WWC1: variants seen among roughly 807,000 people sequenced by gnomAD.
WWC1 encodes WW and C2 domain containing 1.
Under a neutral mutation model 138.4 loss-of-function variants are expected in WWC1, and 55 were observed. The observed-to-expected ratio is 0.40, with a 90% CI of 0.32 to 0.50. The LOEUF (loss-of-function observed/expected upper bound fraction) is 0.50, where lower values mean the gene tolerates loss of function less well. Among genes scored for constraint, WWC1 ranks in the 20% least tolerant of loss-of-function variants. The pLI is 0.72. For missense variants in WWC1, 1,226 were observed against 1,420.4 expected (o/e 0.86, Z 2.20); for synonymous variants, 524 against 564.9 (o/e 0.93, Z 1.03).
chr5:168,385,247 G>T lies in WWC1; in HGVS notation c.266G>T (p.Arg89Leu). 1 of 1,614,094 alleles carries T rather than the reference G, an allele frequency of 6.2e-7. No homozygotes were observed. Among genetic ancestry groups the T allele is most frequent in the Non-Finnish European group, 8.5e-7 (1 of 1,180,022 alleles). Residue 89 changes from arginine (R) to leucine (L), a missense_variant, in exon 3 of 23, where the codon CGG becomes CTG. By Grantham distance (102) the Arg-to-Leu change is moderately radical. Around this residue, in one of 3 missense-constraint regions of WWC1, gnomAD observed 1,016 missense variants for 1,153.9 expected, o/e 0.88. Transcript: ENST00000265293. ...ATTGAGGATCCTCGAGTACAATGGC[G>T]GCGGGAGCAGGAACATATGCTGAAG... ...TQIEDPRVQWRREQEHMLKDY... is the reference protein window; with the variant it reads ...TQIEDPRVQWLREQEHMLKDY...
chr5:168,442,703 GGCAGTCATCTGTAATCCTA>G (rs1208618968), intron 16 of WWC1, among the ~76,000 whole-genome samples: 1 of 151,746 alleles, frequency 6.6e-6, no homozygotes, highest in Non-Finnish European at 1.5e-5. Context: ...CAAGCATGAT[GGCAGTCATCTGTAATCCTA>G]GCTACTAGGG....
chr5:168,370,279 TTTAA>T (rs1452206854), intron 1 of WWC1, among the ~76,000 whole-genome samples: 2 of 152,194 alleles, frequency 1.3e-5, no homozygotes, highest in African/African-American at 2.4e-5. Flanking sequence ...ATTAAAATCA[TTTAA>T]TTAATCCCCA....
At chr5:168,334,087 A>T in intron 1 of WWC1, among the ~76,000 whole-genome samples, 2 of 143,834 alleles carry the variant, frequency 1.4e-5, no homozygotes, top group South Asian at 2.2e-4. Context: ...AGCCATGTAT[A>T]GTGGTATACA....
chr5:168,449,245 GT>G (rs987031093), intron 17 of WWC1, among the ~76,000 whole-genome samples: 6 of 151,290 alleles, frequency 4.0e-5, no homozygotes, highest in Non-Finnish European at 8.8e-5. Flanking sequence ...TGGGTTTGTG[GT>G]TTTTTTTTCT....
intron 1 of WWC1, among the ~76,000 whole-genome samples, chr5:168,309,645 A>G (rs1368227069): frequency 1.3e-5 from 2 of 152,130 alleles, no homozygotes; most frequent in Non-Finnish European, 1.5e-5. Flanking sequence ...AGCTTAGTGG[A>G]AAATAGACCC....
chr5:168,408,496 C>A lies in WWC1; in HGVS notation c.721-11C>A. The A allele has an allele frequency of 6.2e-7, 1 of 1,613,732 alleles. No homozygotes were observed. The highest frequency in any genetic ancestry group is 8.5e-7 in the Non-Finnish European group (1 of 1,179,768). Reference sequence around the variant, plus strand: ...AAGGCGCATCACTAACCCTGCTCTCCCCTCCTTCAGAGCCTTGCCATGTTG... The same window carrying A: ...AAGGCGCATCACTAACCCTGCTCTCACCTCCTTCAGAGCCTTGCCATGTTG... On this transcript the variant is annotated splice_polypyrimidine_tract_variant and intron_variant, in intron 6 of 22. Coordinates refer to ENST00000265293, the MANE Select transcript of WWC1 (RefSeq NM_015238.3).
intron 2 of WWC1, among the ~76,000 whole-genome samples, chr5:168,372,561 G>A (rs941510790): frequency 3.3e-5 from 5 of 152,178 alleles, no homozygotes; most frequent in African/African-American, 7.2e-5. Flanking sequence ...GGACTTGATA[G>A]GCATTATCTC....
chr5:168,343,391 G>A (rs1774206278), intron 1 of WWC1, among the ~76,000 whole-genome samples: 1 of 152,142 alleles, frequency 6.6e-6, no homozygotes, highest in African/African-American at 2.4e-5. Flanking sequence ...GAAGAAAACT[G>A]ACACTCAAAG....
chr5:168,334,041 C>T lies in WWC1; in HGVS notation c.120-37383C>T, dbSNP rs189831980. 2.7e-3 allele frequency among the ~76,000 whole-genome samples: 370 copies of T among 134,902 alleles called. 1 individual carries two copies. The highest frequency in any genetic ancestry group is 0.011 in the African/African-American group (356 of 33,838). The allele number at this position is 134,902 out of a possible 152,430, so 88.5% of individuals were successfully genotyped here. On this transcript the variant is annotated intron_variant, in intron 1 of 22. Transcript: ENST00000265293. ...GACCAGCCTGGGCAGCTTAGCAAGACCTCATCCCTACTGAAAAAAAAAAAA... is the reference window on the plus strand; with the variant it reads ...GACCAGCCTGGGCAGCTTAGCAAGATCTCATCCCTACTGAAAAAAAAAAAA...
intron 1 of WWC1, among the ~76,000 whole-genome samples, chr5:168,363,512 C>A (rs10475879): frequency 1.5e-5 from 2 of 132,310 alleles, no homozygotes; most frequent in Admixed American, 8.1e-5. Flanking sequence ...GTGACAGAGC[C>A]AGACTCTGTC....
intron 2 of WWC1, among the ~76,000 whole-genome samples, chr5:168,372,014 T>C (rs1776784981): frequency 6.8e-6 from 1 of 147,044 alleles, no homozygotes; most frequent in Admixed American, 6.9e-5. Flanking sequence ...ATGTCCATAG[T>C]GAATTGGCGA....
At chr5:168,325,984 A>G (rs1418893450) in intron 1 of WWC1, among the ~76,000 whole-genome samples, 1 of 152,138 alleles carries the variant, frequency 6.6e-6, no homozygotes, top group African/African-American at 2.4e-5. Flanking sequence ...ACTGTGTCAA[A>G]ATTTCCTTCC....
At chr5:168,404,697 C>T (rs1227763443) in intron 5 of WWC1, among the ~76,000 whole-genome samples, 3 of 152,108 alleles carry the variant, frequency 2.0e-5, no homozygotes, top group South Asian at 2.1e-4. Flanking sequence ...TGTGGTGTTC[C>T]CGCAGACTGT....
intron 10 of WWC1, 94 bp downstream of exon 10, chr5:168,422,191 C>T: frequency 7.8e-7 from 1 of 1,275,040 alleles, no homozygotes; most frequent in Non-Finnish European, 1.1e-6. Context: ...TTCACTTGTC[C>T]TCCGTGGCTT....
intron 1 of WWC1, among the ~76,000 whole-genome samples, chr5:168,323,607 A>C (rs1182113034): frequency 6.6e-6 from 1 of 152,184 alleles, no homozygotes; most frequent in Non-Finnish European, 1.5e-5. Flanking sequence ...CTTGGAAAAA[A>C]AAAGTCAGGA....
chr5:168,358,221 C>T (rs987187611), intron 1 of WWC1, among the ~76,000 whole-genome samples: 3 of 152,286 alleles, frequency 2.0e-5, no homozygotes, highest in Admixed American at 1.3e-4. Flanking sequence ...AGGCAATGCA[C>T]AGCTTAGTTT....
At chr5:168,450,979 CTCAA>C (rs1293603186) in intron 17 of WWC1, among the ~76,000 whole-genome samples, 1 of 152,118 alleles carries the variant, frequency 6.6e-6, no homozygotes. Context: ...TTTCTTACAA[CTCAA>C]TAATAAGACA....
chr5:168,445,430 T>C lies in WWC1; in HGVS notation c.2525+845T>C, dbSNP rs1194476931. ...AAATAATGGGAGAGGCCAGGCGTGG[T>C]GGCTCACGCCTGTAATCCCAGCACT... On this transcript the variant is annotated intron_variant, in intron 17 of 22. Coordinates refer to ENST00000265293, the MANE Select transcript of WWC1 (RefSeq NM_015238.3). Among the ~76,000 whole-genome samples, 4 of 151,924 alleles carry C rather than the reference T, an allele frequency of 2.6e-5. No homozygotes were observed. In the East Asian group the frequency reaches 7.7e-4, roughly 29 times the overall value.
At position 168,430,053 on chromosome 5, in the gene WWC1, G is replaced by A. The variant is rs1013912371; in HGVS notation, c.2001-84G>A. 30 of 1,135,522 alleles carry A rather than the reference G, an allele frequency of 2.6e-5. 1 individual carries two copies. The Admixed American group carries it at 3.4e-4, about 13-fold the overall frequency. 70.3% of individuals were successfully genotyped at this position (1,135,522 alleles called of 1,614,324 possible). On this transcript the variant is annotated intron_variant, in intron 13 of 22. Transcript: ENST00000265293. ...AGGCCCCAGGGCAGCCAACAGCCAC[G>A]TCCTGTGACTTTTAATGGAGAGAAG...
Sources: allele counts gnomAD v4.1 joint callset (sites outside exome capture counted in the v4.1 genomes callset), GRCh38; gene constraint gnomAD v4.1.1; regional missense constraint gnomAD v4.1.1; transcripts MANE v1.5; gene names NCBI Gene and HGNC (gene_info 2026-07-23, HGNC 2026-07-21).